Variants in ARID1A observed in about 807,000 individuals in gnomAD.
The protein encoded by ARID1A is AT-rich interaction domain 1A.
Under a neutral mutation model 212.6 loss-of-function variants are expected in ARID1A, and 20 were observed. The observed-to-expected ratio is 0.09, with a 90% CI of 0.07 to 0.14. The LOEUF (loss-of-function observed/expected upper bound fraction) is 0.14, where lower values mean the gene tolerates loss of function less well. Ranked by LOEUF, ARID1A falls within the 10% of genes least tolerant of loss-of-function variation. The pLI is 1.00. For missense variants in ARID1A, 2,587 were observed against 3,059.0 expected (o/e 0.85, Z 3.64); for synonymous variants, 1,376 against 1,222.1 (o/e 1.13, Z -2.63).
rs1469943078 is a variant in ARID1A, at chr1:26,696,764, C to A, written c.361C>A (p.Pro121Thr). 7.4e-7 allele frequency: 1 copy of A among 1,349,674 alleles called. No individual in the cohort carries two copies. Among genetic ancestry groups the A allele is most frequent in the Non-Finnish European group, 9.5e-7 (1 of 1,055,116 alleles). The allele number at this position is 1,349,674 out of a possible 1,614,324, so 83.6% of individuals were successfully genotyped here. Residue 121 changes from proline to threonine, a missense_variant, in exon 1 of 20, where the codon CCC becomes ACC. By Grantham distance (38) the Pro-to-Thr change is conservative. Around this residue, in one of 11 missense-constraint regions of ARID1A, gnomAD observed 735 missense variants for 590.6 expected, o/e 1.24. Transcript: ENST00000324856. The part of the protein sequence containing the change: ...PALNNNLTEP[P>T]GGGGGGSSDG... ...CCTGAACAATAACCTCACGGAGCCG[C>A]CCGGCGGCGGCGGTGGCGGCAGCAG...
rs61663540 is a variant in ARID1A at position 26,710,494 on chromosome 1, TAC to T, written c.1137+12987_1137+12988del. Among the ~76,000 whole-genome samples, 467 of 131,516 alleles carry T rather than the reference TAC, an allele frequency of 3.6e-3. 5 individuals are homozygous for T. In the East Asian group the frequency reaches 0.048, roughly 14 times the overall value. The allele number at this position is 131,516 out of a possible 152,430, so 86.3% of individuals were successfully genotyped here. ...CCATCTCAAAAAATAAAATAATACA[TAC>T]ACACACACACACACACACACACACA... On this transcript the variant is annotated intron_variant, in intron 1 of 19. Coordinates refer to ENST00000324856, the MANE Select transcript of ARID1A (RefSeq NM_006015.6).
intron 19 of ARID1A, chr1:26,778,634 C>T (rs2081159551): frequency 6.2e-6 from 1 of 161,824 alleles, no homozygotes; most frequent in Non-Finnish European, 1.3e-5. Context: ...GCTTGGGTTC[C>T]ACTTGGCAGT....
intron 4 of ARID1A, among the ~76,000 whole-genome samples, chr1:26,738,587 C>G (rs1396311177): frequency 6.6e-6 from 1 of 152,114 alleles, no homozygotes; most frequent in Non-Finnish European, 1.5e-5. Context: ...TTACCAGAGT[C>G]TTGCTCTGTC....
intron 1 of ARID1A, among the ~76,000 whole-genome samples, chr1:26,711,037 T>C (rs2080448344): frequency 6.6e-6 from 1 of 151,928 alleles, no homozygotes; most frequent in Non-Finnish European, 1.5e-5. Flanking sequence ...TTTCCTGGCA[T>C]GTAGGCAACT....
intron 4 of ARID1A, among the ~76,000 whole-genome samples, chr1:26,755,465 CT>C (rs932591653): frequency 1.3e-5 from 2 of 152,172 alleles, no homozygotes; most frequent in Non-Finnish European, 1.5e-5. Flanking sequence ...TTATTTAGCA[CT>C]TTTTCTCCAA....
intron 4 of ARID1A, among the ~76,000 whole-genome samples, chr1:26,739,556 G>A (rs1017519867): frequency 1.1e-4 from 17 of 152,326 alleles, no homozygotes; most frequent in African/African-American, 4.1e-4. Flanking sequence ...TAGAATAATA[G>A]TGGTGATTTA....
At chr1:26,736,195 G>T (rs1213153475) in intron 4 of ARID1A, among the ~76,000 whole-genome samples, 1 of 151,532 alleles carries the variant, frequency 6.6e-6, no homozygotes, top group Non-Finnish European at 1.5e-5. Flanking sequence ...ATGGCAGTGG[G>T]TACCTGTAGT....
At chr1:26,759,199 G>T (rs1426869274) in intron 4 of ARID1A, among the ~76,000 whole-genome samples, 2 of 152,050 alleles carry the variant, frequency 1.3e-5, no homozygotes, top group South Asian at 2.1e-4. Flanking sequence ...TTTTGTTTTT[G>T]TGTGTTTGTT....
chr1:26,768,806 C>T (rs1488120923), intron 11 of ARID1A, among the ~76,000 whole-genome samples: 4 of 152,162 alleles, frequency 2.6e-5, no homozygotes, highest in African/African-American at 9.7e-5. Context: ...TGCAGACTTC[C>T]CTCCTGTGTA....
intron 1 of ARID1A, among the ~76,000 whole-genome samples, chr1:26,716,012 C>A (rs2080499085): frequency 6.6e-6 from 1 of 151,838 alleles, no homozygotes; most frequent in East Asian, 1.9e-4. Context: ...TGAGACCAGC[C>A]TTATCAACAT....
rs2124744834 is a variant in ARID1A at position 26,697,423 on chromosome 1, G to A, written c.1020G>A (p.Ala340=). The A allele has an allele frequency of 1.5e-6, 2 of 1,348,294 alleles. No individual in the cohort carries two copies. Among genetic ancestry groups the A allele is most frequent in the South Asian group, 3.9e-5 (2 of 51,492 alleles). The allele number at this position is 1,348,294 out of a possible 1,614,324, so 83.5% of individuals were successfully genotyped here. A position where few individuals can be genotyped will look rare whatever the true frequency, so the allele number is the denominator to read the frequency against. ...ADMASQCWGA[A]AAAAAAAAAS... is the part of the protein sequence containing the mutation. Reference sequence around the variant, plus strand: ...TGGCCTCGCAGTGTTGGGGGGCTGCGGCGGCGGCAGCTGCGGCGGCGGCCG... The same window carrying A: ...TGGCCTCGCAGTGTTGGGGGGCTGCAGCGGCGGCAGCTGCGGCGGCGGCCG... Residue 340 remains alanine (A), a synonymous_variant, in exon 1 of 20, where the codon GCG becomes GCA. Transcript: ENST00000324856.
At position 26,765,924 on chromosome 1, in the gene ARID1A, CTT is replaced by C. The variant is rs1472739073; in HGVS notation, c.2733-296_2733-295del. On this transcript the variant is annotated intron_variant, in intron 8 of 19. Transcript: ENST00000324856. ...GACATGGTGGTGCATGCCTCATAGTCTTAGGCACTCAGGAGGCTGAGGAAGGC... is the reference window on the plus strand; with the variant it reads ...GACATGGTGGTGCATGCCTCATAGTCAGGCACTCAGGAGGCTGAGGAAGGC... 13 of 313,670 alleles carry C rather than the reference CTT, an allele frequency of 4.1e-5. No individual in the cohort carries two copies. The East Asian group carries it at 7.5e-4, about 18-fold the overall frequency. 19.4% of individuals were successfully genotyped at this position (313,670 alleles called of 1,614,324 possible). A position where few individuals can be genotyped will look rare whatever the true frequency, so the allele number is the denominator to read the frequency against.
chr1:26,762,852 A>G, intron 7 of ARID1A, 121 bp from the exon 8 acceptor site: 1 of 1,004,578 alleles, frequency 1.0e-6, no homozygotes, highest in South Asian at 1.8e-5. Context: ...AAAGGCTACC[A>G]TGAAGTTGAT....
At chr1:26,769,601 C>T (rs994825763) in intron 11 of ARID1A, 16 of 152,208 alleles carry the variant, frequency 1.1e-4, no homozygotes, top group African/African-American at 3.1e-4. Context: ...TCACCTCTGC[C>T]CCTCTAGGTT....
At chr1:26,754,952 C>A (rs1375358555) in intron 4 of ARID1A, among the ~76,000 whole-genome samples, 2 of 152,122 alleles carry the variant, frequency 1.3e-5, no homozygotes, top group East Asian at 3.9e-4. Flanking sequence ...AACCCCACCA[C>A]TACAAAAATA....
At chr1:26,766,895 G>A (rs764694447) in intron 10 of ARID1A, among the ~76,000 whole-genome samples, 4 of 152,132 alleles carry the variant, frequency 2.6e-5, no homozygotes, top group Non-Finnish European at 5.9e-5. Context: ...CTATACTCAA[G>A]CATTGATAGA....
In ARID1A at chr1:26,779,143, A is replaced by C. The variant is rs2081165115; in HGVS notation, c.5245A>C (p.Arg1749=). 1.3e-6 allele frequency: 2 copies of C among 1,589,502 alleles called. No homozygotes were observed. The highest frequency in any genetic ancestry group is 2.7e-5 in the African/African-American group (2 of 74,102). ...PGQRTLLDPG[R]FSKVSSPAPM... ...ACAGAGAACGCTACTGGATCCTGGG[A>C]GGTTCAGCAAGGTGTCTAGTCCAGC... Residue 1749 remains arginine, a synonymous_variant, in exon 20 of 20, where the codon AGG becomes CGG. Transcript: ENST00000324856.
Position 26,729,730 on chromosome 1 carries a change from G to A in ARID1A, c.1217G>A (p.Gly406Glu), listed in dbSNP as rs1324226146. The A allele has an allele frequency of 6.2e-7, 1 of 1,614,238 alleles. No individual in the cohort carries two copies. Among genetic ancestry groups the A allele is most frequent in the Admixed American group, 1.7e-5 (1 of 60,032 alleles). Residue 406 changes from glycine to glutamate, a missense_variant, in exon 2 of 20, where the codon GGA (glycine) becomes GAA (glutamate). Physicochemically the swap from Gly to Glu is moderately conservative, Grantham distance 98 (BLOSUM62 -2). Around this residue, in one of 11 missense-constraint regions of ARID1A, gnomAD observed 674 missense variants for 813.4 expected, o/e 0.83. Transcript: ENST00000324856. ...GGTNPYSQQQGPPSGPQQGHG... is the reference protein window; with the variant it reads ...GGTNPYSQQQEPPSGPQQGHG... ...ACTAACCCATACTCGCAGCAACAGG[G>A]ACCTCCGTCAGGACCGCAGCAAGGA...
intron 4 of ARID1A, among the ~76,000 whole-genome samples, chr1:26,748,191 C>G (rs2080854642): frequency 6.6e-6 from 1 of 152,218 alleles, no homozygotes; most frequent in Admixed American, 6.5e-5. Flanking sequence ...CCAACTTTGC[C>G]TTCCCTGGCT....
Sources: allele counts gnomAD v4.1 joint callset (sites outside exome capture counted in the v4.1 genomes callset), GRCh38; gene constraint gnomAD v4.1.1; regional missense constraint gnomAD v4.1.1; transcripts MANE v1.5; gene names NCBI Gene and HGNC (gene_info 2026-07-23, HGNC 2026-07-21).